The following SCAMP1 variants were observed in gnomAD, a reference collection of about 807,000 sequenced individuals.
The protein encoded by SCAMP1 is secretory carrier-associated membrane protein 1.
In SCAMP1, 15 loss-of-function variants were observed where a neutral mutation model predicts 41.8. The observed-to-expected ratio is 0.36, with a 90% confidence interval of 0.24 to 0.55. The LOEUF (loss-of-function observed/expected upper bound fraction) is 0.55. Ranked by LOEUF, SCAMP1 falls within the 20% of genes least tolerant of loss-of-function variation. The pLI, the probability that SCAMP1 is intolerant of heterozygous loss-of-function variation, is 0.86. For synonymous variants in SCAMP1, 135 were observed against 136.8 expected (o/e 0.99, Z 0.09); for missense variants, 341 against 412.6 (o/e 0.83, Z 1.50).
At chr5:78,370,072 G>A (rs1393163379) in intron 1 of SCAMP1, among the ~76,000 whole-genome samples, 1 of 152,206 alleles carries the variant, frequency 6.6e-6, no homozygotes, top group African/African-American at 2.4e-5. Flanking sequence ...TGTGAAACCT[G>A]GCGTTCTTCT....
At chr5:78,453,623 G>A (rs1310121921) in intron 7 of SCAMP1, among the ~76,000 whole-genome samples, 1 of 152,012 alleles carries the variant, frequency 6.6e-6, no homozygotes, top group Non-Finnish European at 1.5e-5. Context: ...GTAGTGTGAT[G>A]CCTCCAGCTT....
chr5:78,365,472 CAAAAA>C (rs35765310), intron 1 of SCAMP1, among the ~76,000 whole-genome samples: 20 of 55,582 alleles, frequency 3.6e-4, no homozygotes, highest in Admixed American at 1.3e-3. Context: ...AGACTCATCT[CAAAAA>C]AAAAAAAAAA....
chr5:78,367,649 C>G (rs145298807), intron 1 of SCAMP1, among the ~76,000 whole-genome samples: 252 of 152,294 alleles, frequency 1.7e-3, no homozygotes, highest in Non-Finnish European at 1.3e-3. Flanking sequence ...AAAGGAGTGG[C>G]AAGCAATAGG....
chr5:78,465,814 A>T lies in SCAMP1; in HGVS notation c.852+6452A>T, dbSNP rs145591095. On this transcript the variant is annotated intron_variant, in intron 8 of 8. Coordinates refer to ENST00000621999, the MANE Select transcript of SCAMP1 (RefSeq NM_004866.6). ...AGGGCAGGCCGGAACTCTCAGGCAG[A>T]AGTTGAAACTCTGGTCCACAAGTGG... Among the ~76,000 whole-genome samples, 305 of 152,336 alleles carry T rather than the reference A, an allele frequency of 2.0e-3. 1 individual carries two copies. The highest frequency in any genetic ancestry group is 6.8e-3 in the African/African-American group (284 of 41,584).
At chr5:78,445,255 T>C (rs187219733) in intron 6 of SCAMP1, among the ~76,000 whole-genome samples, 3 of 152,360 alleles carry the variant, frequency 2.0e-5, no homozygotes, top group East Asian at 1.9e-4. Context: ...GCAGCTTGAC[T>C]GTGGAAGACA....
chr5:78,468,546 T>C (rs1753798927), intron 8 of SCAMP1, among the ~76,000 whole-genome samples: 1 of 152,192 alleles, frequency 6.6e-6, no homozygotes, highest in African/African-American at 2.4e-5. Flanking sequence ...ATATCATTTG[T>C]ATTCCTTTTG....
At chr5:78,373,112 A>G (rs1048703502) in intron 1 of SCAMP1, among the ~76,000 whole-genome samples, 1 of 152,114 alleles carries the variant, frequency 6.6e-6, no homozygotes, top group Non-Finnish European at 1.5e-5. Context: ...CCCCTCTGCT[A>G]GTGGAATACA....
At chr5:78,378,209 T>C (rs1486333108) in intron 1 of SCAMP1, among the ~76,000 whole-genome samples, 1 of 152,204 alleles carries the variant, frequency 6.6e-6, no homozygotes. Context: ...GATATCATAG[T>C]AAGTGTATAT....
chr5:78,391,111 T>G, intron 2 of SCAMP1, among the ~76,000 whole-genome samples: 1 of 140,722 alleles, frequency 7.1e-6, no homozygotes, highest in Admixed American at 7.0e-5. Context: ...CTTTCCCCCC[T>G]TTCCACTCCA....
At chr5:78,465,551 C>T (rs1753724886) in intron 8 of SCAMP1, among the ~76,000 whole-genome samples, 1 of 152,208 alleles carries the variant, frequency 6.6e-6, no homozygotes, top group Non-Finnish European at 1.5e-5. Context: ...TAACCACTTT[C>T]ATAGGGTTGG....
At chr5:78,453,089 T>C (rs1285323931) in intron 7 of SCAMP1, among the ~76,000 whole-genome samples, 2 of 149,788 alleles carry the variant, frequency 1.3e-5, no homozygotes, top group Non-Finnish European at 3.0e-5. Flanking sequence ...ATATTAGCCC[T>C]TTGTCAGACG....
At chr5:78,415,860 A>C (rs375959818) in intron 3 of SCAMP1, among the ~76,000 whole-genome samples, 1 of 152,200 alleles carries the variant, frequency 6.6e-6, no homozygotes, top group Admixed American at 6.6e-5. Flanking sequence ...TCAGTGGATA[A>C]ATTTTTATTG....
At position 78,369,467 on chromosome 5, in the gene SCAMP1, A is replaced by C. The variant is rs192312589; in HGVS notation, c.57+8739A>C. Among the ~76,000 whole-genome samples the C allele has an allele frequency of 8.3e-4, 127 of 152,294 alleles. 2 individuals carry two copies. Among genetic ancestry groups the C allele is most frequent in the African/African-American group, 2.9e-3 (122 of 41,574 alleles). On this transcript the variant is annotated intron_variant, in intron 1 of 8. Transcript: ENST00000621999. The stretch of plus-strand genomic sequence containing the variant: ...TTATGGGCATGGTTTGTGGCACCCC[A>C]AGACAATTACAGTAGTAACATCAAG...
rs1394654189 is a variant in SCAMP1, at chr5:78,475,680, C to T, written c.*12C>T. 7.3e-6 allele frequency: 11 copies of T among 1,506,894 alleles called. No homozygotes were observed. Among genetic ancestry groups the T allele is most frequent in the African/African-American group, 2.8e-5 (2 of 71,618 alleles). 93.3% of individuals were successfully genotyped at this position (1,506,894 alleles called of 1,614,324 possible). A position where few individuals can be genotyped will look rare whatever the true frequency, so the allele number is the denominator to read the frequency against. On this transcript the variant is annotated 3_prime_UTR_variant, in exon 9 of 9. Coordinates refer to ENST00000621999, the MANE Select transcript of SCAMP1 (RefSeq NM_004866.6). Reference sequence around the variant, plus strand: ...GTAACCAGATTTAAGAATCTTCAAACAATACACTGTTACCTTTTGACTGTA... The same window carrying T: ...GTAACCAGATTTAAGAATCTTCAAATAATACACTGTTACCTTTTGACTGTA...
chr5:78,370,138 T>C (rs1282137516), intron 1 of SCAMP1, among the ~76,000 whole-genome samples: 2 of 152,152 alleles, frequency 1.3e-5, no homozygotes, highest in Non-Finnish European at 2.9e-5. Flanking sequence ...GTGACCTGAG[T>C]GAGTCTGTCT....
intron 2 of SCAMP1, among the ~76,000 whole-genome samples, chr5:78,391,928 G>A (rs1415000628): frequency 1.3e-5 from 2 of 152,146 alleles, no homozygotes; most frequent in Non-Finnish European, 2.9e-5. Context: ...AATCAGGCAG[G>A]GAGGTTGCAG....
intron 1 of SCAMP1, among the ~76,000 whole-genome samples, chr5:78,381,544 T>A (rs988864716): frequency 2.0e-5 from 3 of 152,250 alleles, no homozygotes; most frequent in Non-Finnish European, 4.4e-5. Context: ...GACATCTTTC[T>A]ATTTTCTCAA....
At chr5:78,415,302 T>C (rs149686501) in intron 2 of SCAMP1, among the ~76,000 whole-genome samples, 1,584 of 152,288 alleles carry the variant, frequency 0.01, 18 homozygotes, top group African/African-American at 0.031. Context: ...TATAGTGTTA[T>C]AAGTAGCAGT....
chr5:78,424,232 A>T (rs910416441), intron 6 of SCAMP1, among the ~76,000 whole-genome samples: 1 of 152,174 alleles, frequency 6.6e-6, no homozygotes, highest in African/African-American at 2.4e-5. Flanking sequence ...AATCATTAAT[A>T]TACCTTCCTG....
Sources: gnomAD v4.1 joint callset for allele counts (sites outside exome capture counted in the v4.1 genomes callset) on GRCh38, gnomAD v4.1.1 for gene constraint, MANE v1.5 for transcripts, NCBI Gene and HGNC (gene_info 2026-07-23, HGNC 2026-07-21) for gene names.